Variants in GALNT13 observed in about 807,000 individuals in gnomAD.
GALNT13 encodes polypeptide N-acetylgalactosaminyltransferase 13, also known as UDP-GalNAc:polypeptide N-acetylgalactosaminyltransferase 13.
GALNT13 carries 28 observed loss-of-function variants against 64.2 expected under a neutral mutation model. That is an observed-to-expected ratio of 0.44 (90% CI 0.32 to 0.60). The LOEUF is 0.60. Among genes scored for constraint, GALNT13 ranks in the 20% least tolerant of loss-of-function variants. The probability of loss-of-function intolerance (pLI) is 0.05; values close to 1 mark genes in which losing one functional copy is unlikely to be tolerated. For missense variants in GALNT13, 577 were observed against 669.8 expected (o/e 0.86, Z 1.53); for synonymous variants, 214 against 224.6 (o/e 0.95, Z 0.42).
chr2:153,669,591 C>T, the GALNT13 span, among the ~76,000 whole-genome samples: 1 of 152,186 alleles, frequency 6.6e-6, no homozygotes, highest in Admixed American at 6.5e-5. Context: ...CAGCTCTGGT[C>T]TACAGCTCCC....
At chr2:153,416,371 G>C in the GALNT13 span, among the ~76,000 whole-genome samples, 23 of 152,144 alleles carry the variant, frequency 1.5e-4, no homozygotes, top group Non-Finnish European at 2.6e-4. Flanking sequence ...ATTATCATTT[G>C]TTGACTTCGT....
At chr2:153,230,943 AT>A in the GALNT13 span, among the ~76,000 whole-genome samples, 1 of 151,976 alleles carries the variant, frequency 6.6e-6, no homozygotes, top group Non-Finnish European at 1.5e-5. Flanking sequence ...TTCTTGACTG[AT>A]TTTCTTTATA....
chr2:153,418,991 T>A, the GALNT13 span, among the ~76,000 whole-genome samples: 1 of 152,186 alleles, frequency 6.6e-6, no homozygotes, highest in South Asian at 2.1e-4. Flanking sequence ...CTTATCTCCA[T>A]ACCATAGATT....
At chr2:154,337,347 TGAG>T (rs1167173018) in intron 9 of GALNT13, among the ~76,000 whole-genome samples, 3 of 152,212 alleles carry the variant, frequency 2.0e-5, no homozygotes, top group Non-Finnish European at 2.9e-5. Context: ...TAAATTATGA[TGAG>T]GAAGGAACAG....
chr2:153,677,546 G>GA, the GALNT13 span, among the ~76,000 whole-genome samples: 8 of 150,048 alleles, frequency 5.3e-5, no homozygotes, highest in Admixed American at 2.0e-4. Context: ...CACAGAATTA[G>GA]AAAAAAAAAC....
the GALNT13 span, among the ~76,000 whole-genome samples, chr2:153,176,331 A>G: frequency 0.39 from 58,913 of 151,956 alleles, 11,964 homozygotes; most frequent in East Asian, 0.71. Context: ...CACATTGTCT[A>G]GCATACAATG....
chr2:154,207,980 AT>A (rs991108940), intron 4 of GALNT13, among the ~76,000 whole-genome samples: 2 of 152,186 alleles, frequency 1.3e-5, no homozygotes, highest in Admixed American at 1.3e-4. Flanking sequence ...ACTTCCTGTA[AT>A]TCTGCACTGC....
At chr2:154,394,920 G>A (rs966466024) in intron 9 of GALNT13, among the ~76,000 whole-genome samples, 11 of 152,168 alleles carry the variant, frequency 7.2e-5, no homozygotes, top group African/African-American at 2.2e-4. Context: ...CAAGAAGGTC[G>A]GAGCTAGTGA....
At chr2:154,115,048 C>G (rs959926785) in intron 3 of GALNT13, among the ~76,000 whole-genome samples, 7 of 152,102 alleles carry the variant, frequency 4.6e-5, no homozygotes, top group Non-Finnish European at 8.8e-5. Context: ...AGATGCTGCC[C>G]TCATAAACTT....
the GALNT13 span, among the ~76,000 whole-genome samples, chr2:153,758,083 T>C: frequency 6.6e-6 from 1 of 152,182 alleles, no homozygotes. Flanking sequence ...TTTTCCCCTG[T>C]TCTTTTTCTC....
the GALNT13 span, among the ~76,000 whole-genome samples, chr2:153,622,045 A>T: frequency 6.6e-6 from 1 of 152,128 alleles, no homozygotes; most frequent in Non-Finnish European, 1.5e-5. Context: ...GGAAGCCCCA[A>T]ACTGGTAAGT....
At chr2:153,804,242 C>T in the GALNT13 span, among the ~76,000 whole-genome samples, 1 of 152,164 alleles carries the variant, frequency 6.6e-6, no homozygotes, top group African/African-American at 2.4e-5. Flanking sequence ...GGTCATGGCC[C>T]ACTGTAGTTT....
At chr2:154,018,354 A>T (rs149919819) in intron 3 of GALNT13, among the ~76,000 whole-genome samples, 691 of 152,312 alleles carry the variant, frequency 4.5e-3, no homozygotes, top group Admixed American at 8.8e-3. Flanking sequence ...AGCTACCTGG[A>T]CACAGTAATT....
At chr2:153,868,983 GTATT>G (rs1345006262), upstream of GALNT13, among the ~76,000 whole-genome samples, 1 of 152,030 alleles carries the variant, frequency 6.6e-6, no homozygotes, top group Non-Finnish European at 1.5e-5. Context: ...TTTTAAAAAA[GTATT>G]TAAACTTCAA....
chr2:154,216,428 T>C (rs1182462070), intron 4 of GALNT13, among the ~76,000 whole-genome samples: 2 of 152,146 alleles, frequency 1.3e-5, no homozygotes, highest in Non-Finnish European at 2.9e-5. Context: ...TTTAAGACGT[T>C]GGTGAAGATG....
the GALNT13 span, among the ~76,000 whole-genome samples, chr2:153,566,357 T>G: frequency 4.3e-5 from 6 of 138,054 alleles, no homozygotes; most frequent in Non-Finnish European, 9.2e-5. Flanking sequence ...CGTTTTTTTT[T>G]TTTTTTTTTT....
the GALNT13 span, among the ~76,000 whole-genome samples, chr2:153,135,941 A>G: frequency 6.6e-6 from 1 of 152,122 alleles, no homozygotes; most frequent in Non-Finnish European, 1.5e-5. Context: ...GAAACTCCAG[A>G]TGGCTTGTTT....
chr2:153,285,882 C>G, the GALNT13 span, among the ~76,000 whole-genome samples: 9 of 151,820 alleles, frequency 5.9e-5, no homozygotes, highest in African/African-American at 2.2e-4. Context: ...TGTAATTAGT[C>G]AAGAAAAACA....
chr2:154,076,164 A>G (rs1700978182), intron 3 of GALNT13, among the ~76,000 whole-genome samples: 1 of 151,724 alleles, frequency 6.6e-6, no homozygotes, highest in Admixed American at 6.6e-5. Context: ...AATTTTTAAA[A>G]TCTTACGGCA....
Sources: allele counts gnomAD v4.1 joint callset (sites outside exome capture counted in the v4.1 genomes callset), GRCh38; gene constraint gnomAD v4.1.1; transcripts MANE v1.5; gene names NCBI Gene and HGNC (gene_info 2026-07-23, HGNC 2026-07-21).